CACNA1C: variants seen among roughly 807,000 people sequenced by gnomAD.
CACNA1C encodes the protein calcium voltage-gated channel subunit alpha1 C.
Under a neutral mutation model 229.0 loss-of-function variants are expected in CACNA1C, and 30 were observed. The observed-to-expected ratio is 0.13, with a 90% CI of 0.10 to 0.18. The LOEUF (loss-of-function observed/expected upper bound fraction) is 0.18, where lower values mean the gene tolerates loss of function less well. CACNA1C is among the 10% of genes least tolerant of loss of function. The probability of loss-of-function intolerance (pLI) is 1.00; values close to 1 mark genes in which losing one functional copy is unlikely to be tolerated. For synonymous variants in CACNA1C, 1,114 were observed against 1,132.5 expected (o/e 0.98, Z 0.33); for missense variants, 1,658 against 2,845.0 (o/e 0.58, Z 9.49).
intron 1 of CACNA1C, chr12:1,990,981 G>C: frequency 2.8e-6 from 1 of 360,134 alleles, no homozygotes; most frequent in Non-Finnish European, 5.2e-6. Context: ...CAGATAGAAA[G>C]GACAAAAAAA....
In CACNA1C at chr12:2,106,239, G is replaced by C. The variant is rs112180169; in HGVS notation, c.50-8985G>C. Among the ~76,000 whole-genome samples the C allele has an allele frequency of 7.3e-3, 188 of 25,588 alleles. 2 individuals carry two copies. Among genetic ancestry groups the C allele is most frequent in the Middle Eastern group, 0.056 (1 of 18 alleles). 16.8% of individuals were successfully genotyped at this position (25,588 alleles called of 152,430 possible). A position where few individuals can be genotyped will look rare whatever the true frequency, so the allele number is the denominator to read the frequency against. On this transcript the variant is annotated intron_variant, in intron 1 of 46. Coordinates refer to ENST00000399655, the MANE Select transcript of CACNA1C (RefSeq NM_000719.7). ...CCCACCCCGGAGAGGGTTTCCACCTGAGCTGGGCGTCCTGAAGCCACTGGG... is the reference window on the plus strand; with the variant it reads ...CCCACCCCGGAGAGGGTTTCCACCTCAGCTGGGCGTCCTGAAGCCACTGGG...
chr12:2,113,149 C>T (rs1322972886), intron 1 of CACNA1C, among the ~76,000 whole-genome samples: 1 of 152,190 alleles, frequency 6.6e-6, no homozygotes, highest in African/African-American at 2.4e-5. Flanking sequence ...CCTGCCTCAC[C>T]TGCGTGTGGC....
intron 5 of CACNA1C, among the ~76,000 whole-genome samples, chr12:2,482,164 G>A (rs1399294872): frequency 3.3e-5 from 5 of 152,244 alleles, no homozygotes; most frequent in Admixed American, 6.5e-5. Flanking sequence ...TGCCACCCCA[G>A]GCAGGCCGCG....
chr12:2,082,357 G>C (rs1336352361), intron 1 of CACNA1C, among the ~76,000 whole-genome samples: 1 of 152,066 alleles, frequency 6.6e-6, no homozygotes, highest in Non-Finnish European at 1.5e-5. Flanking sequence ...TGTGTGACTT[G>C]TCCCATTCAG....
At chr12:2,127,287 G>A (rs552721736) in intron 3 of CACNA1C, among the ~76,000 whole-genome samples, 9 of 152,118 alleles carry the variant, frequency 5.9e-5, no homozygotes, top group South Asian at 2.1e-4. Context: ...ATCGCCCCCC[G>A]TGCTTTGAGA....
intron 3 of CACNA1C, among the ~76,000 whole-genome samples, chr12:2,160,392 A>G (rs1306949727): frequency 1.3e-5 from 2 of 152,156 alleles, no homozygotes; most frequent in African/African-American, 4.8e-5. Context: ...CTCAAAGAGG[A>G]CCAAATATCT....
At chr12:2,530,164 C>T (rs1293543477) in intron 9 of CACNA1C, among the ~76,000 whole-genome samples, 1 of 152,198 alleles carries the variant, frequency 6.6e-6, no homozygotes, top group East Asian at 1.9e-4. Context: ...TTGTAAATTC[C>T]TTTTTCCGTT....
At chr12:2,045,275 C>A (rs1336772952) in intron 1 of CACNA1C, among the ~76,000 whole-genome samples, 1 of 152,132 alleles carries the variant, frequency 6.6e-6, no homozygotes, top group African/African-American at 2.4e-5. Flanking sequence ...GTTCTGAAAG[C>A]CCTACTGAAA....
chr12:2,657,641 A>G (rs2095491112), intron 34 of CACNA1C, among the ~76,000 whole-genome samples: 1 of 152,196 alleles, frequency 6.6e-6, no homozygotes, highest in South Asian at 2.1e-4. Flanking sequence ...AAAGATAATA[A>G]TTGCTAAACT....
chr12:2,452,492 A>G (rs1055025247), intron 4 of CACNA1C, among the ~76,000 whole-genome samples: 7 of 152,212 alleles, frequency 4.6e-5, no homozygotes, highest in Admixed American at 2.6e-4. Flanking sequence ...CTTTTCTTCT[A>G]AAAGCTCCAC....
intron 5 of CACNA1C, among the ~76,000 whole-genome samples, chr12:2,463,039 A>T (rs561585956): frequency 6.6e-6 from 1 of 150,524 alleles, no homozygotes; most frequent in East Asian, 2.0e-4. Context: ...CAGCCTCCCG[A>T]GTAGCTGGGA....
At chr12:2,167,132 C>G (rs931721170) in intron 3 of CACNA1C, among the ~76,000 whole-genome samples, 1 of 152,176 alleles carries the variant, frequency 6.6e-6, no homozygotes, top group African/African-American at 2.4e-5. Flanking sequence ...TGAACCACTC[C>G]CTACTCTCAA....
intron 6 of CACNA1C, among the ~76,000 whole-genome samples, chr12:2,490,424 A>G (rs2099717351): frequency 1.3e-5 from 2 of 152,234 alleles, no homozygotes; most frequent in African/African-American, 2.4e-5. Flanking sequence ...AAAGCAAAAC[A>G]TGAGAAAAAG....
intron 6 of CACNA1C, among the ~76,000 whole-genome samples, chr12:2,490,426 G>A (rs1205271644): frequency 6.6e-6 from 1 of 152,212 alleles, no homozygotes; most frequent in Non-Finnish European, 1.5e-5. Flanking sequence ...AGCAAAACAT[G>A]AGAAAAAGAT....
chr12:2,305,449 C>A (rs1219228542), intron 3 of CACNA1C, among the ~76,000 whole-genome samples: 1 of 152,224 alleles, frequency 6.6e-6, no homozygotes, highest in Non-Finnish European at 1.5e-5. Context: ...TTTGTCCTAC[C>A]TGGGGTGTTT....
intron 3 of CACNA1C, among the ~76,000 whole-genome samples, chr12:2,378,913 A>G (rs1193895187): frequency 1.3e-5 from 2 of 151,088 alleles, no homozygotes; most frequent in Non-Finnish European, 2.9e-5. Context: ...TTCCTGGTCA[A>G]TCCCATGTTT....
At chr12:2,081,570 CA>C (rs35716626) in intron 1 of CACNA1C, among the ~76,000 whole-genome samples, 104,330 of 140,640 alleles carry the variant, frequency 0.74, 37,754 homozygotes, top group Middle Eastern at 0.81. Context: ...GACTCAGTCT[CA>C]AAAAAAAAAA....
At chr12:2,644,076 T>C (rs1189991227) in intron 30 of CACNA1C, among the ~76,000 whole-genome samples, 3 of 152,186 alleles carry the variant, frequency 2.0e-5, no homozygotes, top group Non-Finnish European at 4.4e-5. Context: ...CAAGACATTT[T>C]AAAAAATATA....
chr12:2,234,446 T>C (rs2066528811), intron 3 of CACNA1C, among the ~76,000 whole-genome samples: 1 of 152,190 alleles, frequency 6.6e-6, no homozygotes, highest in African/African-American at 2.4e-5. Context: ...TGCATGTGCC[T>C]TGAAAAGTAA....
Sources: allele counts gnomAD v4.1 joint callset (sites outside exome capture counted in the v4.1 genomes callset), GRCh38; gene constraint gnomAD v4.1.1; transcripts MANE v1.5; gene names NCBI Gene and HGNC (gene_info 2026-07-23, HGNC 2026-07-21).